Variants in AK8 observed in about 807,000 individuals in gnomAD.
AK8 encodes adenylate kinase 8.
Under a neutral mutation model 54.6 loss-of-function variants are expected in AK8, and 44 were observed. The ratio of observed to expected loss-of-function variants is 0.81; its 90% CI spans 0.63 to 1.04. The LOEUF is 1.04. Among genes scored for constraint, AK8 ranks in the 50% least tolerant of loss-of-function variants. AK8 has a pLI of 0.00. For synonymous variants in AK8, 239 were observed against 245.6 expected (o/e 0.97, Z 0.25); for missense variants, 555 against 613.6 (o/e 0.90, Z 1.01).
At chr9:132,867,763 G>GCCC (rs956418032) in intron 2 of AK8, among the ~76,000 whole-genome samples, 1 of 152,254 alleles carries the variant, frequency 6.6e-6, no homozygotes. Flanking sequence ...GCCTCCCAGG[G>GCCC]CCCTCCCTGT....
intron 5 of AK8, among the ~76,000 whole-genome samples, chr9:132,843,679 C>A (rs548560928): frequency 6.6e-6 from 1 of 152,222 alleles, no homozygotes; most frequent in African/African-American, 2.4e-5. Flanking sequence ...TGGAGGGTCA[C>A]AACCACATTT....
chr9:132,765,183 C>T lies in AK8; in HGVS notation c.1121+27451G>A, dbSNP rs1032593404. On this transcript the variant is annotated intron_variant, in intron 11 of 12. Transcript: ENST00000298545. The stretch of plus-strand genomic sequence containing the variant: ...TGGCACGCACTTGTAGTCCCAGCTA[C>T]TCGGGAGGCTGAGGCGGGAGAGTTG... 2.7e-5 allele frequency among the ~76,000 whole-genome samples: 4 copies of T among 147,974 alleles called. No homozygotes were observed. The Admixed American group carries it at 2.8e-4, about 10-fold the overall frequency.
chr9:132,790,923 A>G lies in AK8; in HGVS notation c.1121+1711T>C, dbSNP rs906503132. Among the ~76,000 whole-genome samples, 10 of 152,324 alleles carry G rather than the reference A, an allele frequency of 6.6e-5. 1 individual carries two copies. Among genetic ancestry groups the G allele is most frequent in the East Asian group, 5.8e-4 (3 of 5,186 alleles). ...AGAAAATATGGAATGAAAATATCTT[A>G]TTATAATATCAGTAAGAAGAACAAG... On this transcript the variant is annotated intron_variant, in intron 11 of 12. Transcript: ENST00000298545. The surrounding 1 kb of genome is among the most constrained non-coding windows in gnomAD (Gnocchi z 4.1).
intron 11 of AK8, among the ~76,000 whole-genome samples, chr9:132,789,597 CAAAAAAAAAA>C (rs578003731): frequency 1.9e-4 from 11 of 57,552 alleles, no homozygotes; most frequent in Non-Finnish European, 2.8e-4. Flanking sequence ...ACTCATCTCA[CAAAAAAAAAA>C]AAAAAAAAAA....
At chr9:132,730,657 C>T (rs992576098) in intron 11 of AK8, among the ~76,000 whole-genome samples, 1 of 152,044 alleles carries the variant, frequency 6.6e-6, no homozygotes, top group African/African-American at 2.4e-5. Flanking sequence ...GCCCTGGTCA[C>T]TGGAATCCAC....
At chr9:132,742,451 C>T (rs556314497) in intron 11 of AK8, among the ~76,000 whole-genome samples, 165 of 152,320 alleles carry the variant, frequency 1.1e-3, no homozygotes, top group Non-Finnish European at 1.8e-3. Context: ...GGATTACAGG[C>T]GTGAGCCACG....
intron 11 of AK8, among the ~76,000 whole-genome samples, chr9:132,776,916 C>G (rs1183424726): frequency 6.6e-6 from 1 of 152,206 alleles, no homozygotes; most frequent in African/African-American, 2.4e-5. Flanking sequence ...TTCTAGACAA[C>G]CTGGGACAGC....
At chr9:132,856,693 GGC>G (rs934544938) in intron 4 of AK8, among the ~76,000 whole-genome samples, 1 of 152,140 alleles carries the variant, frequency 6.6e-6, no homozygotes, top group Admixed American at 6.5e-5. Context: ...AATCATTAGG[GGC>G]ATGAACCCCT....
chr9:132,755,658 G>A (rs1838153767), intron 11 of AK8, among the ~76,000 whole-genome samples: 1 of 152,178 alleles, frequency 6.6e-6, no homozygotes, highest in Admixed American at 6.5e-5. Flanking sequence ...TAGAAGTGGT[G>A]GCCCCAGTAG....
chr9:132,858,926 C>T (rs749381981), intron 4 of AK8, among the ~76,000 whole-genome samples: 2 of 152,222 alleles, frequency 1.3e-5, no homozygotes, highest in African/African-American at 2.4e-5. Context: ...GAAATTTTCA[C>T]AGGAGTGACG....
At chr9:132,873,552 T>C (rs1843950002) in intron 2 of AK8, among the ~76,000 whole-genome samples, 1 of 152,258 alleles carries the variant, frequency 6.6e-6, no homozygotes, top group Non-Finnish European at 1.5e-5. Context: ...ACTTTAGCTT[T>C]TACTTGGCTC....
chr9:132,725,625 C>A lies in AK8; in HGVS notation c.*63G>T, dbSNP rs306524. The A allele has an allele frequency of 7.3e-3, 10,429 of 1,425,464 alleles. 578 individuals are homozygous for A. The African/African-American group carries it at 0.13, about 17-fold the overall frequency. The allele number at this position is 1,425,464 out of a possible 1,614,324, so 88.3% of individuals were successfully genotyped here. A position where few individuals can be genotyped will look rare whatever the true frequency, so the allele number is the denominator to read the frequency against. ...GCTTTTTAGGGGAGCTGTGCCGAGG[C>A]TGGGGGGCTGGGGGCAGGGGATTAA... On this transcript the variant is annotated 3_prime_UTR_variant, in exon 13 of 13. Transcript: ENST00000298545.
At chr9:132,813,276 C>T (rs947277217) in intron 10 of AK8, among the ~76,000 whole-genome samples, 6 of 152,100 alleles carry the variant, frequency 3.9e-5, no homozygotes, top group South Asian at 4.1e-4. Flanking sequence ...AACTCCACCC[C>T]GCGGACTAGG....
chr9:132,774,679 T>C (rs960206151), intron 11 of AK8, among the ~76,000 whole-genome samples: 8 of 152,194 alleles, frequency 5.3e-5, no homozygotes, highest in Admixed American at 5.2e-4. Context: ...CGGTCGAGCA[T>C]CGCGCCTGCC....
At chr9:132,759,913 T>C (rs1456676571) in intron 11 of AK8, among the ~76,000 whole-genome samples, 2 of 152,050 alleles carry the variant, frequency 1.3e-5, no homozygotes, top group East Asian at 1.9e-4. Context: ...TGCTCTTCTA[T>C]GTAAATGCAG....
intron 5 of AK8, among the ~76,000 whole-genome samples, chr9:132,846,074 C>A (rs1842738321): frequency 6.6e-6 from 1 of 152,210 alleles, no homozygotes; most frequent in South Asian, 2.1e-4. Flanking sequence ...CCCTGCATCT[C>A]TGGATTCTAG....
At chr9:132,780,271 C>T (rs1003809508) in intron 11 of AK8, among the ~76,000 whole-genome samples, 3 of 152,188 alleles carry the variant, frequency 2.0e-5, no homozygotes, top group African/African-American at 7.2e-5. Context: ...CAGTTTTGTC[C>T]TCGGAAATCT....
intron 2 of AK8, among the ~76,000 whole-genome samples, chr9:132,870,419 T>G (rs1843765707): frequency 6.6e-6 from 1 of 152,254 alleles, no homozygotes; most frequent in Admixed American, 6.5e-5. Flanking sequence ...CCACAGATCC[T>G]TTTGAGGTTT....
At chr9:132,858,939 G>A (rs970923783) in intron 4 of AK8, among the ~76,000 whole-genome samples, 5 of 152,170 alleles carry the variant, frequency 3.3e-5, no homozygotes, top group African/African-American at 1.2e-4. Context: ...GAGTGACGGA[G>A]CCTGGTGCTC....
Sources: allele counts gnomAD v4.1 joint callset (sites outside exome capture counted in the v4.1 genomes callset), GRCh38; gene constraint gnomAD v4.1.1; non-coding constraint Gnocchi (gnomAD v3.1); transcripts MANE v1.5; gene names NCBI Gene and HGNC (gene_info 2026-07-23, HGNC 2026-07-21).